The following GRIP1 variants were observed in gnomAD, a reference collection of about 807,000 sequenced individuals.
The protein encoded by GRIP1 is glutamate receptor interacting protein 1.
Under a neutral mutation model 129.9 loss-of-function variants are expected in GRIP1, and 45 were observed. The ratio of observed to expected loss-of-function variants is 0.35; its 90% CI spans 0.27 to 0.44. The LOEUF (loss-of-function observed/expected upper bound fraction) is 0.44. Ranked by LOEUF, GRIP1 falls within the 20% of genes least tolerant of loss-of-function variation. The pLI is 1.00. For synonymous variants in GRIP1, 530 were observed against 520.8 expected (o/e 1.02, Z -0.24); for missense variants, 1,196 against 1,396.8 (o/e 0.86, Z 2.29).
intron 7 of GRIP1, among the ~76,000 whole-genome samples, chr12:66,479,866 A>T (rs2059747349): frequency 1.3e-5 from 2 of 152,308 alleles, no homozygotes; most frequent in East Asian, 3.9e-4. Flanking sequence ...ATAAAATTCA[A>T]CACCCCTTCA....
intron 14 of GRIP1, among the ~76,000 whole-genome samples, chr12:66,424,535 A>G (rs186030417): frequency 2.6e-4 from 39 of 152,194 alleles, no homozygotes; most frequent in Admixed American, 1.4e-3. Flanking sequence ...CCACCTCTAG[A>G]CCACTAACAT....
Position 67,013,387 on chromosome 12 carries a change from A to T in GRIP1, c.58+55663T>A, listed in dbSNP as rs546961560. 2.0e-5 allele frequency among the ~76,000 whole-genome samples: 3 copies of T among 152,302 alleles called. No individual in the cohort carries two copies. In the South Asian group the frequency reaches 6.2e-4, roughly 32 times the overall value. The stretch of plus-strand genomic sequence containing the variant: ...CTTGTGTAATAAAATGGTCAAAAAC[A>T]ATCTGATTAGAGGATGTATTTCTTA... On this transcript the variant is annotated intron_variant, in intron 1 of 1. Transcript: ENST00000643019.
chr12:66,982,098 G>A (rs566574755), intron 1 of GRIP1, among the ~76,000 whole-genome samples: 1 of 152,276 alleles, frequency 6.6e-6, no homozygotes, highest in East Asian at 1.9e-4. Flanking sequence ...GTAACTCTGT[G>A]ACTTTGTTGA....
At chr12:66,695,123 A>G (rs1298322775) in intron 1 of GRIP1, among the ~76,000 whole-genome samples, 2 of 152,226 alleles carry the variant, frequency 1.3e-5, no homozygotes, top group African/African-American at 4.8e-5. Context: ...ACGATGTGTT[A>G]GATGTTCAAC....
intron 1 of GRIP1, among the ~76,000 whole-genome samples, chr12:66,978,192 A>G (rs971910042): frequency 6.8e-6 from 1 of 147,966 alleles, no homozygotes; most frequent in African/African-American, 2.5e-5. Context: ...TCTCAACAAG[A>G]GTTAATAAAT....
rs1036559817 is a variant in GRIP1, at chr12:66,835,523, G to A, written c.58+233527C>T. 3.9e-5 allele frequency among the ~76,000 whole-genome samples: 6 copies of A among 152,044 alleles called. No individual in the cohort carries two copies. The South Asian group carries it at 8.3e-4, about 21-fold the overall frequency. On this transcript the variant is annotated intron_variant, in intron 1 of 1. Transcript: ENST00000643019. ...ACCAAGATGCCCCTCAGAAGGTGAC[G>A]GGATAAATAAACTGTCATACATCCA...
intron 1 of GRIP1, among the ~76,000 whole-genome samples, chr12:66,674,513 C>T (rs1234571131): frequency 6.6e-6 from 1 of 152,146 alleles, no homozygotes; most frequent in Non-Finnish European, 1.5e-5. Context: ...AACTTTTAAA[C>T]ACAGGATGAG....
intron 1 of GRIP1, among the ~76,000 whole-genome samples, chr12:67,003,639 G>A (rs2042583512): frequency 6.6e-6 from 1 of 152,110 alleles, no homozygotes; most frequent in Non-Finnish European, 1.5e-5. Context: ...GTTGCAGTGA[G>A]CCGAGATTGC....
At chr12:66,963,062 G>C (rs948195525) in intron 1 of GRIP1, among the ~76,000 whole-genome samples, 1 of 152,082 alleles carries the variant, frequency 6.6e-6, no homozygotes, top group African/African-American at 2.4e-5. Flanking sequence ...TGTAATCCTA[G>C]CACTTTGGGA....
intron 1 of GRIP1, among the ~76,000 whole-genome samples, chr12:66,900,192 A>G (rs1366499665): frequency 2.0e-5 from 3 of 152,198 alleles, no homozygotes; most frequent in Non-Finnish European, 4.4e-5. Flanking sequence ...GCTTGTCTGT[A>G]TATAATAGAA....
chr12:66,976,060 C>A (rs138323140), intron 1 of GRIP1, among the ~76,000 whole-genome samples: 125 of 152,290 alleles, frequency 8.2e-4, no homozygotes, highest in African/African-American at 2.9e-3. Flanking sequence ...AACTCTCTCC[C>A]TTCCCCAGTT....
intron 24 of GRIP1, among the ~76,000 whole-genome samples, chr12:66,350,355 G>A (rs999529510): frequency 2.6e-5 from 4 of 151,982 alleles, no homozygotes; most frequent in African/African-American, 9.7e-5. Context: ...AAATTAGCCG[G>A]GCATGGTGGT....
chr12:66,737,431 G>A (rs2036642209), intron 1 of GRIP1, among the ~76,000 whole-genome samples: 2 of 152,078 alleles, frequency 1.3e-5, no homozygotes, highest in Admixed American at 6.5e-5. Context: ...TTACAGGCGT[G>A]TGCCACCATA....
chr12:66,955,504 G>GTTTTTTT (rs71088226), intron 1 of GRIP1, among the ~76,000 whole-genome samples: 1 of 114,538 alleles, frequency 8.7e-6, no homozygotes, highest in Admixed American at 9.2e-5. Flanking sequence ...TACTTTTTTG[G>GTTTTTTT]TTTTTTTTTT....
At chr12:66,673,043 T>C (rs1433451228) in intron 1 of GRIP1, among the ~76,000 whole-genome samples, 1 of 152,164 alleles carries the variant, frequency 6.6e-6, no homozygotes, top group East Asian at 1.9e-4. Flanking sequence ...TGTGGTGTTG[T>C]CTTGATTAAT....
At chr12:66,803,310 C>T (rs2038910544) in intron 1 of GRIP1, among the ~76,000 whole-genome samples, 1 of 152,166 alleles carries the variant, frequency 6.6e-6, no homozygotes, top group Non-Finnish European at 1.5e-5. Flanking sequence ...ACTCAGTGAT[C>T]TCTGTGCATA....
At chr12:66,372,003 T>C (rs969036368) in intron 22 of GRIP1, 76 bp from the exon 23 acceptor site, 2 of 941,888 alleles carry the variant, frequency 2.1e-6, no homozygotes, top group Admixed American at 1.8e-5. Context: ...AGTAAGCACA[T>C]TTCTCCTTCT....
In GRIP1 at chr12:66,462,964, G is replaced by C. The variant is rs764056047; in HGVS notation, c.1002C>G (p.Pro334=). ...TTDQVKLEIL[P]HHQTRLALKG... ...TTAGGGCCAGCCGGGTCTGATGATG[G>C]GGAAGGATCTCAAGCTTGACCTGGT... Residue 334 remains proline, a synonymous_variant, in exon 9 of 25, where the codon CCC becomes CCG. Coordinates refer to ENST00000359742, the MANE Select transcript of GRIP1 (RefSeq NM_001366722.1). 6.2e-7 allele frequency: 1 copy of C among 1,614,038 alleles called. No individual in the cohort carries two copies. Among genetic ancestry groups the C allele is most frequent in the Admixed American group, 1.7e-5 (1 of 60,004 alleles).
chr12:66,987,892 G>A (rs765498442), intron 1 of GRIP1, among the ~76,000 whole-genome samples: 2 of 152,282 alleles, frequency 1.3e-5, no homozygotes, highest in Middle Eastern at 6.8e-3. Context: ...ACGTGCAAAA[G>A]CCTGGGAAAG....
Sources: gnomAD v4.1 joint callset for allele counts (sites outside exome capture counted in the v4.1 genomes callset) on GRCh38, gnomAD v4.1.1 for gene constraint, MANE v1.5 for transcripts, NCBI Gene and HGNC (gene_info 2026-07-23, HGNC 2026-07-21) for gene names.